Variants in TANC1 observed in about 807,000 individuals in gnomAD.
TANC1 encodes the protein tetratricopeptide repeat, ankyrin repeat and coiled-coil containing 1.
Under a neutral mutation model 149.7 loss-of-function variants are expected in TANC1, and 77 were observed. The ratio of observed to expected loss-of-function variants is 0.51; its 90% CI spans 0.43 to 0.62. TANC1 has a LOEUF of 0.62. Among genes scored for constraint, TANC1 ranks in the 20% least tolerant of loss-of-function variants. The pLI is 0.00. For synonymous variants in TANC1, 854 were observed against 925.0 expected, an observed-to-expected ratio of 0.92 and a Z score of 1.39; for missense variants, 1,985 against 2,321.8, an observed-to-expected ratio of 0.85 and a Z score of 2.98.
rs550359179 is a variant in TANC1 at position 159,175,111 on chromosome 2, C to T, written c.1662C>T (p.Leu554=). The change falls in exon 12 of 27, where the codon CTC becomes CTT. Residue 554 remains leucine (L), a synonymous_variant. Coordinates refer to ENST00000263635, the MANE Select transcript of TANC1 (RefSeq NM_033394.3). ...CCCAACTACAGAGCATGCTGAGCCT[C>T]CGATCCTGTGTGCAGGACCCGGTGG... is the stretch of plus-strand genomic sequence containing the variant. ...KEPQLQSMLS[L]RSCVQDPVAA... 1.2e-6 allele frequency: 2 copies of T among 1,614,214 alleles called. No individual in the cohort carries two copies. Among genetic ancestry groups the T allele is most frequent in the East Asian group, 4.5e-5 (2 of 44,892 alleles).
intron 4 of TANC1, among the ~76,000 whole-genome samples, 143 bp from the exon 5 acceptor site, chr2:159,136,029 TGTGTGTGTGTGTGTGTGTGTGC>T (rs55994009): frequency 0.19 from 21,297 of 114,810 alleles, 1,996 homozygotes; most frequent in Non-Finnish European, 0.25. Context: ...TGTGTGTGTG[TGTGTGTGTGTGTGTGTGTGTGC>T]GCGCGCGCGC....
At chr2:159,179,318 CA>C (rs1176920456) in intron 14 of TANC1, among the ~76,000 whole-genome samples, 155 bp downstream of exon 14, 1 of 152,006 alleles carries the variant, frequency 6.6e-6, no homozygotes, top group African/African-American at 2.4e-5. Flanking sequence ...TCCTTTTTGG[CA>C]GAAGGATGGG....
intron 1 of TANC1, among the ~76,000 whole-genome samples, chr2:158,990,862 C>T (rs1324346150): frequency 1.3e-5 from 2 of 151,872 alleles, no homozygotes; most frequent in Non-Finnish European, 2.9e-5. Flanking sequence ...TGCTTGAGCT[C>T]AGGAGTTTGA....
At chr2:159,066,016 C>T (rs2042626667) in intron 3 of TANC1, 45 bp downstream of exon 3, 1 of 1,459,094 alleles carries the variant, frequency 6.9e-7, no homozygotes, top group Non-Finnish European at 9.6e-7. Flanking sequence ...CAGCGGGCAG[C>T]AAGCTGCTCC....
At chr2:159,072,465 T>C (rs1336580057) in intron 3 of TANC1, among the ~76,000 whole-genome samples, 1 of 152,220 alleles carries the variant, frequency 6.6e-6, no homozygotes, top group African/African-American at 2.4e-5. Flanking sequence ...TTTGGACATA[T>C]TTTCTTAACC....
At chr2:159,051,109 C>T (rs1226639739) in intron 2 of TANC1, among the ~76,000 whole-genome samples, 3 of 152,146 alleles carry the variant, frequency 2.0e-5, no homozygotes, top group Non-Finnish European at 4.4e-5. Flanking sequence ...TTACATCCAC[C>T]GTCTCTAATT....
At chr2:159,086,344 A>G (rs988061979) in intron 3 of TANC1, among the ~76,000 whole-genome samples, 1 of 152,098 alleles carries the variant, frequency 6.6e-6, no homozygotes, top group Admixed American at 6.5e-5. Flanking sequence ...TGGACCCTGC[A>G]GTGTCTGTAG....
chr2:159,051,602 A>G (rs2041468329), intron 2 of TANC1, among the ~76,000 whole-genome samples: 1 of 152,096 alleles, frequency 6.6e-6, no homozygotes, highest in South Asian at 2.1e-4. Flanking sequence ...AACATGTCAT[A>G]TCCACCCATA....
At chr2:159,198,563 A>G (rs1256750603) in intron 18 of TANC1, among the ~76,000 whole-genome samples, 2 of 152,250 alleles carry the variant, frequency 1.3e-5, no homozygotes, top group Non-Finnish European at 2.9e-5. Flanking sequence ...GTATTTGAAC[A>G]ATACTTTGTA....
At chr2:159,191,785 A>C (rs890987494) in intron 16 of TANC1, among the ~76,000 whole-genome samples, 49 of 152,136 alleles carry the variant, frequency 3.2e-4, no homozygotes, top group African/African-American at 1.2e-3. Context: ...AATACCATGA[A>C]GTTTTTATGC....
intron 5 of TANC1, among the ~76,000 whole-genome samples, chr2:159,138,248 G>T (rs542548141): frequency 2.2e-4 from 34 of 152,224 alleles, no homozygotes; most frequent in Admixed American, 1.6e-3. Context: ...AAGAAGCAGG[G>T]TATGTTTTCA....
chr2:158,992,244 A>G (rs1025318411), intron 1 of TANC1, among the ~76,000 whole-genome samples: 3 of 151,908 alleles, frequency 2.0e-5, no homozygotes, highest in Admixed American at 6.6e-5. Flanking sequence ...TGCACCTGCA[A>G]TCTCATCTAC....
intron 4 of TANC1, among the ~76,000 whole-genome samples, chr2:159,135,507 G>A (rs951424392): frequency 3.9e-5 from 6 of 152,358 alleles, no homozygotes; most frequent in Non-Finnish European, 8.8e-5. Flanking sequence ...ATCATTGTAT[G>A]TGAGGGTTCC....
chr2:159,213,665 T>C (rs1026000352), intron 19 of TANC1, among the ~76,000 whole-genome samples: 5 of 152,076 alleles, frequency 3.3e-5, no homozygotes, highest in Admixed American at 6.5e-5. Flanking sequence ...CACTTCGTCA[T>C]CCAGATCAGT....
intron 4 of TANC1, among the ~76,000 whole-genome samples, chr2:159,130,779 G>C (rs747704160): frequency 6.6e-6 from 1 of 151,750 alleles, no homozygotes; most frequent in Non-Finnish European, 1.5e-5. Context: ...TTGCAGCCTC[G>C]AACTCCTGGG....
Position 158,991,492 on chromosome 2 carries a change from G to A in TANC1, c.-125-9588G>A, listed in dbSNP as rs1229414424. 7.9e-5 allele frequency among the ~76,000 whole-genome samples: 12 copies of A among 152,144 alleles called. No individual in the cohort carries two copies. The East Asian group carries it at 2.1e-3, about 27-fold the overall frequency. The stretch of plus-strand genomic sequence containing the variant: ...TAAGAGGCTGGGGAGGGTGGCTCAC[G>A]TCTGTAATCCCAGCACTTTGGGAGG... On this transcript the variant is annotated intron_variant, in intron 1 of 26. Coordinates refer to ENST00000263635, the MANE Select transcript of TANC1 (RefSeq NM_033394.3).
chr2:159,098,897 T>C (rs777142613), intron 4 of TANC1, among the ~76,000 whole-genome samples: 1 of 152,098 alleles, frequency 6.6e-6, no homozygotes, highest in Non-Finnish European at 1.5e-5. Flanking sequence ...GTTGATCATA[T>C]GCCAGTGTAA....
intron 4 of TANC1, among the ~76,000 whole-genome samples, chr2:159,101,225 T>C (rs1006897353): frequency 1.3e-5 from 2 of 152,246 alleles, no homozygotes; most frequent in Admixed American, 6.5e-5. Flanking sequence ...TCTTCACTAA[T>C]TGATGCTAAT....
At chr2:159,078,036 C>T (rs989996481) in intron 3 of TANC1, among the ~76,000 whole-genome samples, 4 of 152,172 alleles carry the variant, frequency 2.6e-5, no homozygotes, top group African/African-American at 9.7e-5. Flanking sequence ...TTAGAATGAA[C>T]TCAAACACAT....
Sources: gnomAD v4.1 joint callset for allele counts (sites outside exome capture counted in the v4.1 genomes callset) on GRCh38, gnomAD v4.1.1 for gene constraint, MANE v1.5 for transcripts, NCBI Gene and HGNC (gene_info 2026-07-23, HGNC 2026-07-21) for gene names.